Variants in PSMD4 observed in about 807,000 individuals in gnomAD.
PSMD4 encodes the protein 26S proteasome non-ATPase regulatory subunit 4.
PSMD4 carries 5 observed loss-of-function variants against 39.7 expected under a neutral mutation model. That is an observed-to-expected ratio of 0.13 (90% CI 0.07 to 0.26). The LOEUF (loss-of-function observed/expected upper bound fraction) is 0.26. Ranked by LOEUF, PSMD4 falls within the 10% of genes least tolerant of loss-of-function variation. The pLI is 1.00. For synonymous variants in PSMD4, 143 were observed against 174.6 expected (o/e 0.82, Z 1.43); for missense variants, 272 against 486.1 (o/e 0.56, Z 4.14).
In PSMD4 at chr1:151,265,402, C is replaced by A; in HGVS notation, c.447C>A (p.Asn149Lys). 6.2e-7 allele frequency: 1 copy of A among 1,614,166 alleles called. No individual in the cohort carries two copies. The highest frequency in any genetic ancestry group is 8.5e-7 in the Non-Finnish European group (1 of 1,180,006). Reference protein sequence around the residue: ...DIINFGEEEVNTEKLTAFVNT... With the variant: ...DIINFGEEEVKTEKLTAFVNT... ...TGTTCTTTCCTCCCCAGGAGGTGAA[C>A]ACAGAAAAGCTGACAGCCTTTGTAA... Residue 149 changes from asparagine to lysine, a missense_variant, in exon 6 of 10, where the codon AAC becomes AAA. Physicochemically the swap from Asn to Lys is moderately conservative, Grantham distance 94. This residue lies in a region of PSMD4 where 153 missense variants were observed against 257.6 expected (regional missense o/e 0.59). Transcript: ENST00000368884.
At chr1:151,267,080 G>T in intron 9 of PSMD4, 93 bp from the exon 10 acceptor site, 1 of 1,446,868 alleles carries the variant, frequency 6.9e-7, no homozygotes, top group Non-Finnish European at 9.7e-7. Context: ...CAGAAGGCAG[G>T]GGGCCTCTGG....
At chr1:151,258,506 G>T (rs1288902093) in intron 1 of PSMD4, among the ~76,000 whole-genome samples, 1 of 134,750 alleles carries the variant, frequency 7.4e-6, no homozygotes, top group Non-Finnish European at 1.5e-5. Flanking sequence ...TGTCACCCAG[G>T]CTGGAGTGCA....
At chr1:151,254,851 G>T in intron 1 of PSMD4, 43 bp downstream of exon 1, 1 of 1,466,554 alleles carries the variant, frequency 6.8e-7, no homozygotes, top group Admixed American at 3.2e-5. Flanking sequence ...GCTGGGTTCC[G>T]GGCGCGTGTA....
chr1:151,258,551 C>G (rs918089094), intron 1 of PSMD4, among the ~76,000 whole-genome samples: 1 of 150,334 alleles, frequency 6.7e-6, no homozygotes, highest in Non-Finnish European at 1.5e-5. Flanking sequence ...GCCTCGACCT[C>G]CGGGGCTCAA....
intron 1 of PSMD4, among the ~76,000 whole-genome samples, chr1:151,256,376 T>G (rs896014641): frequency 7.3e-6 from 1 of 137,678 alleles, no homozygotes; most frequent in Non-Finnish European, 1.6e-5. Flanking sequence ...AATAAATAAA[T>G]AAATAAATAA....
rs374663507 is a variant in PSMD4, at chr1:151,265,462, T to G, written c.507T>G (p.His169Gln). The G allele has an allele frequency of 1.7e-5, 28 of 1,614,080 alleles. No homozygotes were observed. Among genetic ancestry groups the G allele is most frequent in the Non-Finnish European group, 2.4e-5 (28 of 1,180,036 alleles). The part of the protein sequence containing the change: ...TLNGKDGTGS[H>Q]LVTVPPGPSL... The stretch of plus-strand genomic sequence containing the variant: ...ATGGCAAAGATGGAACCGGTTCTCA[T>G]CTGGTGACAGTGCCTCCTGGGCCCA... The change falls in exon 6 of 10, where the codon CAT (histidine) becomes CAG (glutamine). Residue 169 changes from histidine to glutamine, a missense_variant. Transcript: ENST00000368884.
chr1:151,261,559 A>G (rs587760311), intron 1 of PSMD4, among the ~76,000 whole-genome samples: 1 of 152,336 alleles, frequency 6.6e-6, no homozygotes, highest in Non-Finnish European at 1.5e-5. Context: ...TATCCATGAC[A>G]AAGCTTAGTA....
chr1:151,264,864 C>T lies in PSMD4; in HGVS notation c.315C>T (p.His105=). Residue 105 remains histidine, a synonymous_variant, in exon 4 of 10, where the codon CAC becomes CAT. Coordinates refer to ENST00000368884, the MANE Select transcript of PSMD4 (RefSeq NM_002810.4). ...TGAAGCACCGACAAGGCAAGAATCACAAGATGCGCATCATTGCCTTTGTGG... is the reference window on the plus strand; with the variant it reads ...TGAAGCACCGACAAGGCAAGAATCATAAGATGCGCATCATTGCCTTTGTGG... ...LALKHRQGKN[H]KMRIIAFVGS... 2 of 1,613,904 alleles carry T rather than the reference C, an allele frequency of 1.2e-6. No individual in the cohort carries two copies. Among genetic ancestry groups the T allele is most frequent in the Non-Finnish European group, 1.7e-6 (2 of 1,179,906 alleles).
chr1:151,256,566 G>A (rs1208726244), intron 1 of PSMD4, among the ~76,000 whole-genome samples: 1 of 149,694 alleles, frequency 6.7e-6, no homozygotes, highest in African/African-American at 2.5e-5. Context: ...AGCCTCCTGA[G>A]TAACTGGGAT....
intron 2 of PSMD4, chr1:151,262,622 C>T (rs1313892279): frequency 3.6e-6 from 1 of 277,362 alleles, no homozygotes; most frequent in Non-Finnish European, 7.1e-6. Context: ...TGTCTGTAAT[C>T]CCAAGAGTTT....
chr1:151,265,706 G>C (rs1693416455), intron 6 of PSMD4, 97 bp downstream of exon 6: 1 of 1,310,090 alleles, frequency 7.6e-7, no homozygotes, highest in African/African-American at 1.5e-5. Flanking sequence ...GATAGTCCTA[G>C]ACACTACCAA....
intron 2 of PSMD4, 145 bp downstream of exon 2, chr1:151,262,446 T>G: frequency 2.1e-6 from 2 of 961,074 alleles, no homozygotes; most frequent in Non-Finnish European, 1.6e-6. Context: ...TAGCAACTTG[T>G]TTTTTGTATT....
At position 151,265,998 on chromosome 1, in the gene PSMD4, C is replaced by T. The variant is rs1693440603; in HGVS notation, c.655-6C>T. Reference sequence around the variant, plus strand: ...GGAGCCCTGATTATGCCCTGCCCTTCACCAGGCCCTTCGTGTATCTATGGA... The same window carrying T: ...GGAGCCCTGATTATGCCCTGCCCTTTACCAGGCCCTTCGTGTATCTATGGA... On this transcript the variant is annotated splice_region_variant and splice_polypyrimidine_tract_variant and intron_variant, in intron 6 of 9. Transcript: ENST00000368884. 1.3e-6 allele frequency: 2 copies of T among 1,582,404 alleles called. No homozygotes were observed. The highest frequency in any genetic ancestry group is 2.2e-5 in the East Asian group (1 of 44,592).
rs1000755458 is a variant in PSMD4, at chr1:151,262,438, G to C, written c.167+137G>C. ...GCACTATTTAGTGTAAATGTCAATA[G>C]CAACTTGTTTTTTGTATTAACCTGT... On this transcript the variant is annotated intron_variant, in intron 2 of 9. Coordinates refer to ENST00000368884, the MANE Select transcript of PSMD4 (RefSeq NM_002810.4). The C allele has an allele frequency of 4.6e-6, 5 of 1,077,712 alleles. No homozygotes were observed. In the African/African-American group the frequency reaches 7.9e-5, roughly 17 times the overall value. The allele number at this position is 1,077,712 out of a possible 1,614,324, so 66.8% of individuals were successfully genotyped here.
intron 2 of PSMD4, chr1:151,262,591 T>G: frequency 2.8e-6 from 1 of 356,030 alleles, no homozygotes; most frequent in Non-Finnish European, 5.3e-6. Context: ...AAAGTGATTT[T>G]GGGCTGGGCA....
chr1:151,267,253 C>A lies in PSMD4; in HGVS notation c.1044C>A (p.Asn348Lys). 1.2e-6 allele frequency: 2 copies of A among 1,613,850 alleles called. No homozygotes were observed. Among genetic ancestry groups the A allele is most frequent in the Non-Finnish European group, 8.5e-7 (1 of 1,179,840 alleles). Residue 348 changes from asparagine (N) to lysine (K), a missense_variant, in exon 10 of 10, where the codon AAC becomes AAA. Around this residue, in one of 3 missense-constraint regions of PSMD4, gnomAD observed 113 missense variants for 184.6 expected, o/e 0.61. Transcript: ENST00000368884. ...VLENLPGVDP[N>K]NEAIRNAMGS... ...AGAACCTCCCAGGTGTGGATCCCAA[C>A]AATGAAGCCATTCGAAATGCTATGG... is the stretch of plus-strand genomic sequence containing the variant.
Position 151,265,989 on chromosome 1 carries a change from C to A in PSMD4, c.655-15C>A. The A allele has an allele frequency of 6.4e-7, 1 of 1,569,424 alleles. No individual in the cohort carries two copies. The highest frequency in any genetic ancestry group is 8.6e-7 in the Non-Finnish European group (1 of 1,157,976). Reference sequence around the variant, plus strand: ...GAGGGCAGGGGAGCCCTGATTATGCCCTGCCCTTCACCAGGCCCTTCGTGT... The same window carrying A: ...GAGGGCAGGGGAGCCCTGATTATGCACTGCCCTTCACCAGGCCCTTCGTGT... On this transcript the variant is annotated splice_polypyrimidine_tract_variant and intron_variant, in intron 6 of 9. Transcript: ENST00000368884.
chr1:151,266,699 A>G, intron 9 of PSMD4, 112 bp downstream of exon 9: 2 of 1,275,652 alleles, frequency 1.6e-6, no homozygotes, highest in Non-Finnish European at 2.2e-6. Context: ...AGCAGAGGGA[A>G]ACACATGGAT....
chr1:151,263,415 G>A (rs2101839154), intron 2 of PSMD4, among the ~76,000 whole-genome samples: 1 of 152,184 alleles, frequency 6.6e-6, no homozygotes, highest in African/African-American at 2.4e-5. Context: ...AGTGAGCTGA[G>A]ATTCGCCACT....
Sources: gnomAD v4.1 joint callset for allele counts (sites outside exome capture counted in the v4.1 genomes callset) on GRCh38, gnomAD v4.1.1 for gene constraint, gnomAD v4.1.1 regional missense constraint, MANE v1.5 for transcripts, NCBI Gene and HGNC (gene_info 2026-07-23, HGNC 2026-07-21) for gene names.